CACNG2: variants seen among roughly 807,000 people sequenced by gnomAD.
CACNG2 encodes the protein voltage-dependent calcium channel gamma-2 subunit.
In CACNG2, 3 loss-of-function variants were observed where a neutral mutation model predicts 25.9. That is an observed-to-expected ratio of 0.12 (90% CI 0.05 to 0.30). The LOEUF is 0.30. CACNG2 is among the 10% of genes least tolerant of loss of function. The pLI is 1.00. For synonymous variants in CACNG2, 167 were observed against 173.3 expected (o/e 0.96, Z 0.29); for missense variants, 341 against 432.5 (o/e 0.79, Z 1.88).
intron 1 of CACNG2, among the ~76,000 whole-genome samples, chr22:36,650,909 A>G (rs1936602001): frequency 6.6e-6 from 1 of 152,160 alleles, no homozygotes; most frequent in Admixed American, 6.5e-5. Context: ...CTTTCTCTAG[A>G]TATCTGCTAT....
intron 1 of CACNG2, among the ~76,000 whole-genome samples, chr22:36,679,179 TTCCTTCCTTCCTTCCTTC>T (rs1937056862): frequency 4.6e-5 from 6 of 131,070 alleles, no homozygotes; most frequent in South Asian, 2.6e-4. Context: ...CCTTCCTTCC[TTCCTTCCTTCCTTCCTTC>T]CTTTCTTTCT....
At chr22:36,580,271 G>A (rs892013300) in intron 2 of CACNG2, among the ~76,000 whole-genome samples, 2 of 152,028 alleles carry the variant, frequency 1.3e-5, no homozygotes, top group Non-Finnish European at 2.9e-5. Context: ...CCCCCAGACG[G>A]CCATCGTATG....
chr22:36,637,512 C>T (rs1474990891), intron 1 of CACNG2, among the ~76,000 whole-genome samples: 3 of 152,058 alleles, frequency 2.0e-5, no homozygotes, highest in South Asian at 2.1e-4. Flanking sequence ...GCTTGGAAGT[C>T]GGGCTCTCGG....
rs536913769 is a variant in CACNG2, at chr22:36,570,429, G to C, written c.296-3936C>G. On this transcript the variant is annotated intron_variant, in intron 2 of 3. Transcript: ENST00000300105. Reference sequence around the variant, plus strand: ...TTCGGCACAGAAGAGCCAGCCCCAAGCTCTGGCCTTTCGTGGAAGAGGCCT... The same window carrying C: ...TTCGGCACAGAAGAGCCAGCCCCAACCTCTGGCCTTTCGTGGAAGAGGCCT... Among the ~76,000 whole-genome samples, 4 of 152,312 alleles carry C rather than the reference G, an allele frequency of 2.6e-5. No individual in the cohort carries two copies. The East Asian group carries it at 7.7e-4, about 29-fold the overall frequency.
chr22:36,587,547 C>T lies in CACNG2; in HGVS notation c.213G>A (p.Gly71=). 9 of 1,610,694 alleles carry T rather than the reference C, an allele frequency of 5.6e-6. No individual in the cohort carries two copies. In the East Asian group the frequency reaches 6.7e-5, roughly 12 times the overall value. The change falls in exon 2 of 4, where the codon GGG becomes GGA. Residue 71 remains glycine (G), a splice_region_variant and synonymous_variant. Coordinates refer to ENST00000300105, the MANE Select transcript of CACNG2 (RefSeq NM_006078.5). ...TTTGCTTGCACAGACCTTTGAAATT[C>T]CCTGCAAAACAAGGGGAGAAGGAGC... ...SGLWRTCCLE[G]NFKGLCKQID... is the part of the protein sequence containing the mutation.
At chr22:36,639,245 G>C (rs1007466617) in intron 1 of CACNG2, among the ~76,000 whole-genome samples, 1 of 152,176 alleles carries the variant, frequency 6.6e-6, no homozygotes, top group African/African-American at 2.4e-5. Flanking sequence ...GAAATAAAAA[G>C]TACGTAAAAA....
At chr22:36,630,019 A>G (rs1434984737) in intron 1 of CACNG2, among the ~76,000 whole-genome samples, 1 of 152,152 alleles carries the variant, frequency 6.6e-6, no homozygotes, top group East Asian at 1.9e-4. Context: ...GGGGAAGTGC[A>G]TTTTGGGGAG....
intron 1 of CACNG2, among the ~76,000 whole-genome samples, chr22:36,622,949 A>G (rs576861881): frequency 6.2e-4 from 94 of 151,368 alleles, no homozygotes; most frequent in Middle Eastern, 3.4e-3. Context: ...ACAAGAGCAA[A>G]ACTCCGTTTA....
At chr22:36,675,045 C>T (rs77945571) in intron 1 of CACNG2, among the ~76,000 whole-genome samples, 8 of 152,140 alleles carry the variant, frequency 5.3e-5, no homozygotes, top group Non-Finnish European at 1.0e-4. Flanking sequence ...GAAGATTAAA[C>T]GAGATAATTT....
At chr22:36,682,266 G>T (rs575535711) in intron 1 of CACNG2, among the ~76,000 whole-genome samples, 6 of 152,304 alleles carry the variant, frequency 3.9e-5, no homozygotes, top group Non-Finnish European at 1.5e-5. Context: ...GCCCCTGTTA[G>T]CTGTGGGACT....
At chr22:36,574,083 C>T (rs986755754) in intron 2 of CACNG2, among the ~76,000 whole-genome samples, 1 of 152,012 alleles carries the variant, frequency 6.6e-6, no homozygotes, top group Non-Finnish European at 1.5e-5. Flanking sequence ...GTCTGGGCCA[C>T]GTGGGGCCTC....
chr22:36,634,402 T>C lies in CACNG2; in HGVS notation c.212-46854A>G, dbSNP rs1936324208. On this transcript the variant is annotated intron_variant, in intron 1 of 3. Transcript: ENST00000300105. Reference sequence around the variant, plus strand: ...TTCAGAAGCTGTGTGTTGGAGACAGTGGAGCTGTAAGATTGAAAGGCATAT... The same window carrying C: ...TTCAGAAGCTGTGTGTTGGAGACAGCGGAGCTGTAAGATTGAAAGGCATAT... 2.0e-5 allele frequency among the ~76,000 whole-genome samples: 3 copies of C among 152,224 alleles called. No individual in the cohort carries two copies. The South Asian group carries it at 6.2e-4, about 32-fold the overall frequency.
chr22:36,684,938 A>G (rs181250415), intron 1 of CACNG2, among the ~76,000 whole-genome samples: 6 of 152,266 alleles, frequency 3.9e-5, no homozygotes, highest in African/African-American at 1.2e-4. Flanking sequence ...CAATCCGGGA[A>G]GAAAGTAGGG....
intron 1 of CACNG2, among the ~76,000 whole-genome samples, chr22:36,625,271 G>A (rs1603501969): frequency 6.6e-6 from 1 of 152,168 alleles, no homozygotes; most frequent in East Asian, 1.9e-4. Flanking sequence ...CTAACTTGCT[G>A]TGTGACCTTG....
intron 1 of CACNG2, among the ~76,000 whole-genome samples, chr22:36,596,743 G>C (rs965088796): frequency 6.6e-6 from 1 of 152,092 alleles, no homozygotes; most frequent in Non-Finnish European, 1.5e-5. Flanking sequence ...CCTGGCTCTT[G>C]TCTCCATAGC....
Position 36,563,821 on chromosome 22 carries a change from CA to C in CACNG2, c.*529del, listed in dbSNP as rs1293029468. ...AGGGCCCGCTGGGGGTTAAAGGGAA[CA>C]GAAAAGTAACTCTCCCCGAGTTAAA... On this transcript the variant is annotated 3_prime_UTR_variant, in exon 4 of 4. Coordinates refer to ENST00000300105, the MANE Select transcript of CACNG2 (RefSeq NM_006078.5). 7.7e-6 allele frequency: 1 copy of C among 130,060 alleles called. No homozygotes were observed. The highest frequency in any genetic ancestry group is 2.1e-4 in the East Asian group (1 of 4,744). The allele number at this position is 130,060 out of a possible 1,614,324, so 8.1% of individuals were successfully genotyped here.
At chr22:36,579,497 G>T (rs961123767) in intron 2 of CACNG2, among the ~76,000 whole-genome samples, 7 of 150,414 alleles carry the variant, frequency 4.7e-5, no homozygotes, top group African/African-American at 1.5e-4. Flanking sequence ...CCACTACCGG[G>T]CCCGAGCACC....
At chr22:36,639,964 C>T (rs1373725863) in intron 1 of CACNG2, among the ~76,000 whole-genome samples, 1 of 152,174 alleles carries the variant, frequency 6.6e-6, no homozygotes, top group Non-Finnish European at 1.5e-5. Context: ...CTCCCGAGTT[C>T]CTGTCAATGG....
intron 1 of CACNG2, among the ~76,000 whole-genome samples, chr22:36,686,723 G>A (rs1314611496): frequency 1.3e-5 from 2 of 152,208 alleles, no homozygotes; most frequent in South Asian, 2.1e-4. Context: ...CGGGCACAGG[G>A]GTTCTAGTCC....
Sources: allele counts gnomAD v4.1 joint callset (sites outside exome capture counted in the v4.1 genomes callset), GRCh38; gene constraint gnomAD v4.1.1; transcripts MANE v1.5; gene names NCBI Gene and HGNC (gene_info 2026-07-23, HGNC 2026-07-21).